The following GRM1 variants were observed in gnomAD, a reference collection of about 807,000 sequenced individuals.
GRM1 encodes metabotropic glutamate receptor 1.
Under a neutral mutation model 90.9 loss-of-function variants are expected in GRM1, and 33 were observed. The ratio of observed to expected loss-of-function variants is 0.36; its 90% CI spans 0.28 to 0.49. The LOEUF is 0.49. Among genes scored for constraint, GRM1 ranks in the 20% least tolerant of loss-of-function variants. The pLI is 0.99. For synonymous variants in GRM1, 700 were observed against 613.2 expected (o/e 1.14, Z -2.09); for missense variants, 1,190 against 1,534.3 (o/e 0.78, Z 3.75).
intron 5 of GRM1, among the ~76,000 whole-genome samples, chr6:146,380,473 A>G (rs371101222): frequency 6.6e-5 from 10 of 152,008 alleles, no homozygotes; most frequent in African/African-American, 2.2e-4. Context: ...TGTTCCCTTA[A>G]GGCCCAAGGT....
At chr6:146,180,470 G>T in intron 2 of GRM1, among the ~76,000 whole-genome samples, 1 of 152,140 alleles carries the variant, frequency 6.6e-6, no homozygotes, top group East Asian at 1.9e-4. Flanking sequence ...TAAAAGCAGA[G>T]GAACTTTTTT....
At chr6:146,106,971 A>T (rs1775330760) in intron 1 of GRM1, among the ~76,000 whole-genome samples, 1 of 152,200 alleles carries the variant, frequency 6.6e-6, no homozygotes, top group Non-Finnish European at 1.5e-5. Flanking sequence ...AAGAGTAGCG[A>T]ACTTACTCTT....
chr6:146,127,884 T>G (rs915784581), intron 1 of GRM1, among the ~76,000 whole-genome samples: 3 of 152,192 alleles, frequency 2.0e-5, no homozygotes, highest in Admixed American at 6.5e-5. Flanking sequence ...CAGGGCTCAG[T>G]GGCATAGCTT....
At chr6:146,419,689 C>T (rs1349912350) in intron 7 of GRM1, among the ~76,000 whole-genome samples, 1 of 152,128 alleles carries the variant, frequency 6.6e-6, no homozygotes, top group Non-Finnish European at 1.5e-5. Flanking sequence ...GAAGGGAAAG[C>T]AAACACGTCT....
chr6:146,052,906 C>G lies in GRM1; in HGVS notation c.700+22689C>G, dbSNP rs574305683. ...TACTAACAGGACACCGTCATATTTC[C>G]AGAACCTAGAACAATGCCTGATGCC... On this transcript the variant is annotated intron_variant, in intron 1 of 7. Transcript: ENST00000282753. Among the ~76,000 whole-genome samples the G allele has an allele frequency of 2.6e-5, 4 of 152,062 alleles. No individual in the cohort carries two copies. The South Asian group carries it at 8.3e-4, about 32-fold the overall frequency.
intron 5 of GRM1, among the ~76,000 whole-genome samples, chr6:146,380,365 A>G (rs1440091583): frequency 7.0e-6 from 1 of 143,312 alleles, no homozygotes; most frequent in African/African-American, 2.6e-5. Context: ...AAGGGCACCC[A>G]TCAGAGAGCC....
At chr6:146,034,468 TTGAA>T (rs1790812528) in intron 1 of GRM1, among the ~76,000 whole-genome samples, 1 of 152,078 alleles carries the variant, frequency 6.6e-6, no homozygotes, top group Middle Eastern at 3.4e-3. Flanking sequence ...CCTTTTATGC[TTGAA>T]CAGTTATTAA....
intron 2 of GRM1, among the ~76,000 whole-genome samples, chr6:146,241,038 T>C (rs1365345762): frequency 6.6e-6 from 1 of 152,104 alleles, no homozygotes; most frequent in Non-Finnish European, 1.5e-5. Context: ...GGATGCAGAA[T>C]AACCAAAATC....
chr6:146,303,840 A>T (rs1783478850), intron 2 of GRM1, among the ~76,000 whole-genome samples: 1 of 152,090 alleles, frequency 6.6e-6, no homozygotes. Context: ...TTTGTCTTTG[A>T]TACCCTCATA....
intron 1 of GRM1, among the ~76,000 whole-genome samples, chr6:146,097,593 C>G (rs1776914076): frequency 6.6e-6 from 1 of 152,198 alleles, no homozygotes; most frequent in Admixed American, 6.5e-5. Flanking sequence ...TCTGTGTTCT[C>G]AAAGTTGGGT....
intron 2 of GRM1, among the ~76,000 whole-genome samples, chr6:146,250,224 T>C (rs987265750): frequency 6.6e-6 from 1 of 152,146 alleles, no homozygotes; most frequent in Non-Finnish European, 1.5e-5. Context: ...AAGGCATGAT[T>C]GGCTTTGAAA....
intron 1 of GRM1, among the ~76,000 whole-genome samples, chr6:146,113,868 G>A (rs1045940167): frequency 6.6e-6 from 1 of 152,092 alleles, no homozygotes; most frequent in African/African-American, 2.4e-5. Flanking sequence ...GCTGTTTGGG[G>A]AGAGGTTCTT....
intron 2 of GRM1, among the ~76,000 whole-genome samples, chr6:146,275,466 T>C (rs1261047949): frequency 6.6e-6 from 1 of 152,074 alleles, no homozygotes; most frequent in Non-Finnish European, 1.5e-5. Context: ...CCTCAATCTC[T>C]TTTGCTCTAG....
At chr6:146,321,173 C>T (rs1342003809) in intron 3 of GRM1, among the ~76,000 whole-genome samples, 1 of 152,072 alleles carries the variant, frequency 6.6e-6, no homozygotes, top group Admixed American at 6.6e-5. Flanking sequence ...CACATTTTGC[C>T]TTTGTTCTCA....
intron 3 of GRM1, among the ~76,000 whole-genome samples, chr6:146,314,305 A>T (rs1783886004): frequency 6.6e-6 from 1 of 151,158 alleles, no homozygotes; most frequent in Non-Finnish European, 1.5e-5. Flanking sequence ...CGAACTCCTG[A>T]CCTCAAGTAA....
chr6:146,283,134 C>G (rs1355096907), intron 2 of GRM1, among the ~76,000 whole-genome samples: 2 of 152,158 alleles, frequency 1.3e-5, no homozygotes, highest in African/African-American at 4.8e-5. Flanking sequence ...AGACTTGAGC[C>G]CAATGCATAG....
At chr6:146,387,481 G>A (rs1336824898) in intron 6 of GRM1, among the ~76,000 whole-genome samples, 1 of 151,688 alleles carries the variant, frequency 6.6e-6, no homozygotes, top group Non-Finnish European at 1.5e-5. Context: ...AATCATCCCG[G>A]CTTTTATTTT....
intron 7 of GRM1, among the ~76,000 whole-genome samples, chr6:146,400,384 T>C (rs1240626175): frequency 6.6e-6 from 1 of 151,954 alleles, no homozygotes; most frequent in Non-Finnish European, 1.5e-5. Flanking sequence ...AATAGTTTCT[T>C]AGTCATAAAG....
intron 5 of GRM1, among the ~76,000 whole-genome samples, chr6:146,386,457 T>C (rs974703041): frequency 1.3e-5 from 2 of 152,124 alleles, no homozygotes; most frequent in African/African-American, 4.8e-5. Flanking sequence ...ACAACAAAAA[T>C]TGTATAATTA....
Sources: allele counts gnomAD v4.1 joint callset (sites outside exome capture counted in the v4.1 genomes callset), GRCh38; gene constraint gnomAD v4.1.1; transcripts MANE v1.5; gene names NCBI Gene and HGNC (gene_info 2026-07-23, HGNC 2026-07-21).